Variants in TRMT9B observed in about 807,000 individuals in gnomAD.
TRMT9B encodes probable tRNA methyltransferase 9B.
Under a neutral mutation model 11.5 loss-of-function variants are expected in TRMT9B, and 16 were observed. The observed-to-expected ratio is 1.39, with a 90% CI of 0.94 to 2.11. The LOEUF (loss-of-function observed/expected upper bound fraction) is 2.11, where lower values mean the gene tolerates loss of function less well. TRMT9B is among the 30% of genes most tolerant of loss of function. The pLI is 0.00. For synonymous variants in TRMT9B, 274 were observed against 192.4 expected (o/e 1.42, Z -3.51); for missense variants, 941 against 553.8 (o/e 1.70, Z -7.02).
intron 1 of TRMT9B, among the ~76,000 whole-genome samples, chr8:12,987,131 C>T (rs1282998768): frequency 6.6e-5 from 10 of 152,158 alleles, no homozygotes; most frequent in East Asian, 3.8e-4. Context: ...AGAGTGCGAA[C>T]GCTAGGGTCA....
intron 3 of TRMT9B, chr8:13,012,079 C>T (rs1585364994): frequency 1.0e-6 from 1 of 985,376 alleles, no homozygotes; most frequent in African/African-American, 1.7e-5. Context: ...TCTTTCTTGC[C>T]TTGGACCAGC....
At chr8:13,017,873 C>G (rs1245121235) in intron 4 of TRMT9B, among the ~76,000 whole-genome samples, 1 of 151,760 alleles carries the variant, frequency 6.6e-6, no homozygotes, top group African/African-American at 2.4e-5. Flanking sequence ...ATCCGCCCAC[C>G]TCAGCCCCTC....
intron 1 of TRMT9B, among the ~76,000 whole-genome samples, chr8:12,969,589 T>C (rs980568116): frequency 1.3e-5 from 2 of 152,210 alleles, no homozygotes; most frequent in East Asian, 3.8e-4. Context: ...GTAGTTGTAA[T>C]AATGTATCTC....
chr8:12,977,262 G>A (rs949142652), intron 1 of TRMT9B, among the ~76,000 whole-genome samples: 1 of 152,152 alleles, frequency 6.6e-6, no homozygotes, highest in South Asian at 2.1e-4. Context: ...GGAGCACTCA[G>A]CAGTGCCAAT....
intron 1 of TRMT9B, among the ~76,000 whole-genome samples, chr8:12,980,590 A>G (rs1266927769): frequency 6.6e-6 from 1 of 152,156 alleles, no homozygotes; most frequent in African/African-American, 2.4e-5. Flanking sequence ...ATGCCGTGAG[A>G]TATTAAAGCC....
chr8:12,948,732 G>A (rs1358027541), intron 1 of TRMT9B, among the ~76,000 whole-genome samples: 2 of 152,036 alleles, frequency 1.3e-5, no homozygotes, highest in Non-Finnish European at 2.9e-5. Flanking sequence ...AGGCCAAGGC[G>A]GGTGGATCAC....
intron 2 of TRMT9B, among the ~76,000 whole-genome samples, chr8:13,002,671 A>C (rs1809663927): frequency 6.6e-6 from 1 of 152,208 alleles, no homozygotes; most frequent in South Asian, 2.1e-4. Context: ...TGATGGAATT[A>C]TATTATCATC....
At chr8:12,974,891 T>C (rs1421713777) in intron 1 of TRMT9B, among the ~76,000 whole-genome samples, 3 of 151,680 alleles carry the variant, frequency 2.0e-5, no homozygotes, top group Non-Finnish European at 4.4e-5. Context: ...ATCATAAAGC[T>C]AAAGTTTTCA....
chr8:13,016,494 G>C (rs954258188), intron 4 of TRMT9B, among the ~76,000 whole-genome samples: 1 of 150,492 alleles, frequency 6.6e-6, no homozygotes, highest in African/African-American at 2.4e-5. Flanking sequence ...AAGTTCTTAT[G>C]TTGGCACTTC....
intron 1 of TRMT9B, among the ~76,000 whole-genome samples, chr8:12,990,031 G>A (rs1282158773): frequency 6.6e-6 from 1 of 152,132 alleles, no homozygotes; most frequent in African/African-American, 2.4e-5. Context: ...GAATGTTGGG[G>A]GAAGGCACAC....
chr8:13,003,293 C>G (rs1261292935), intron 2 of TRMT9B, among the ~76,000 whole-genome samples: 1 of 152,006 alleles, frequency 6.6e-6, no homozygotes, highest in South Asian at 2.1e-4. Context: ...AACCCGAGTC[C>G]CTGGCCACTT....
chr8:13,022,296 C>A lies in TRMT9B; in HGVS notation c.*252C>A. The A allele has an allele frequency of 2.5e-6, 1 of 393,846 alleles. No homozygotes were observed. The highest frequency in any genetic ancestry group is 4.7e-6 in the Non-Finnish European group (1 of 214,194). 24.4% of individuals were successfully genotyped at this position (393,846 alleles called of 1,614,324 possible). On this transcript the variant is annotated 3_prime_UTR_variant, in exon 5 of 5. Transcript: ENST00000524591. ...GATCTGAAGAAGCAACAGAAAGTAC[C>A]CTTCAGTACACCTCAGACTTTTTTT...
intron 1 of TRMT9B, among the ~76,000 whole-genome samples, chr8:12,970,506 C>T (rs1803451124): frequency 6.6e-6 from 1 of 152,188 alleles, no homozygotes; most frequent in Admixed American, 6.5e-5. Context: ...CTCCGTTGTT[C>T]AGATCTAGAG....
At chr8:12,953,181 T>A (rs547674384) in intron 1 of TRMT9B, among the ~76,000 whole-genome samples, 1 of 152,254 alleles carries the variant, frequency 6.6e-6, no homozygotes, top group African/African-American at 2.4e-5. Context: ...ACATTGAAAA[T>A]TTAGTGTGTA....
chr8:12,999,881 C>G (rs1809085161), intron 2 of TRMT9B, among the ~76,000 whole-genome samples: 1 of 152,240 alleles, frequency 6.6e-6, no homozygotes, highest in African/African-American at 2.4e-5. Flanking sequence ...CCGGTTTTCT[C>G]TCAATTTTAT....
At chr8:13,010,805 T>C in intron 3 of TRMT9B, 1 of 983,338 alleles carries the variant, frequency 1.0e-6, no homozygotes, top group Non-Finnish European at 1.2e-6. Flanking sequence ...TCTTTTGAAA[T>C]ACACAGGATT....
chr8:12,985,106 T>A (rs1418527587), intron 1 of TRMT9B, among the ~76,000 whole-genome samples: 2 of 152,130 alleles, frequency 1.3e-5, no homozygotes, highest in Non-Finnish European at 2.9e-5. Context: ...CTTGACATTT[T>A]TCGAGGAAAA....
At position 13,011,945 on chromosome 8, in the gene TRMT9B, T is replaced by A. The variant is rs1232094567; in HGVS notation, c.155-739T>A. Reference sequence around the variant, plus strand: ...TTGTTGACAGTTGTTTGTTTTGCAGTCAGCAAGTGGTAAGAATCTTTGGAG... The same window carrying A: ...TTGTTGACAGTTGTTTGTTTTGCAGACAGCAAGTGGTAAGAATCTTTGGAG... On this transcript the variant is annotated intron_variant, in intron 3 of 4. Transcript: ENST00000524591. 7.1e-6 allele frequency: 7 copies of A among 985,244 alleles called. No individual in the cohort carries two copies. The African/African-American group carries it at 1.2e-4, about 17-fold the overall frequency. 61.0% of individuals were successfully genotyped at this position (985,244 alleles called of 1,614,324 possible).
At chr8:13,009,385 G>A (rs1811153953) in intron 3 of TRMT9B, among the ~76,000 whole-genome samples, 1 of 152,132 alleles carries the variant, frequency 6.6e-6, no homozygotes, top group Non-Finnish European at 1.5e-5. Context: ...AATAGGGAAA[G>A]GATGTGAACA....
Sources: gnomAD v4.1 joint callset for allele counts (sites outside exome capture counted in the v4.1 genomes callset) on GRCh38, gnomAD v4.1.1 for gene constraint, MANE v1.5 for transcripts, NCBI Gene and HGNC (gene_info 2026-07-23, HGNC 2026-07-21) for gene names.